STAU2: variants seen among roughly 807,000 people sequenced by gnomAD.
The protein encoded by STAU2 is staufen double-stranded RNA binding protein 2, also known as double-stranded RNA-binding protein Staufen homolog 2.
Under a neutral mutation model 65.9 loss-of-function variants are expected in STAU2, and 20 were observed. The ratio of observed to expected loss-of-function variants is 0.30; its 90% CI spans 0.21 to 0.44. The LOEUF is 0.44. Ranked by LOEUF, STAU2 falls within the 20% of genes least tolerant of loss-of-function variation. The pLI is 1.00. For synonymous variants in STAU2, 232 were observed against 233.9 expected (o/e 0.99, Z 0.07); for missense variants, 558 against 683.9 (o/e 0.82, Z 2.05).
intron 6 of STAU2, among the ~76,000 whole-genome samples, chr8:73,631,155 A>G (rs2130026327): frequency 6.6e-6 from 1 of 152,250 alleles, no homozygotes; most frequent in Middle Eastern, 3.4e-3. Context: ...CAGGAGTTTG[A>G]GACCAGCCTT....
At chr8:73,522,797 T>C (rs565852948) in intron 13 of STAU2, among the ~76,000 whole-genome samples, 9 of 152,288 alleles carry the variant, frequency 5.9e-5, no homozygotes, top group African/African-American at 2.2e-4. Context: ...GCCCACTGTC[T>C]GGATGAGAAT....
intron 13 of STAU2, chr8:73,527,874 G>A (rs1000716654): frequency 2.4e-5 from 6 of 253,982 alleles, no homozygotes; most frequent in Admixed American, 8.8e-5. Flanking sequence ...AGGTCCTTTT[G>A]CAAAGGGTCT....
chr8:73,475,520 T>G (rs1820273406), intron 13 of STAU2, among the ~76,000 whole-genome samples: 1 of 152,222 alleles, frequency 6.6e-6, no homozygotes, highest in South Asian at 2.1e-4. Context: ...GATGCTATTT[T>G]AGTAATATGG....
chr8:73,559,717 T>C (rs184272294), intron 12 of STAU2, among the ~76,000 whole-genome samples: 9 of 152,232 alleles, frequency 5.9e-5, no homozygotes, highest in Admixed American at 3.3e-4. Flanking sequence ...GCTACAGAAA[T>C]CCCCCTTCCT....
chr8:73,521,108 T>C (rs372308191), intron 13 of STAU2, among the ~76,000 whole-genome samples: 4 of 152,336 alleles, frequency 2.6e-5, no homozygotes, highest in East Asian at 1.9e-4. Context: ...GTGGGAAGGC[T>C]TTCCCTTTCT....
chr8:73,680,220 G>A (rs182388442), intron 5 of STAU2, among the ~76,000 whole-genome samples: 1,813 of 152,042 alleles, frequency 0.012, 136 homozygotes, highest in Admixed American at 0.11. Context: ...AGAAGCCACT[G>A]CAGGCATGGA....
Position 73,546,175 on chromosome 8 carries a change from C to G in STAU2, c.1530+5837G>C, listed in dbSNP as rs1379604756. Among the ~76,000 whole-genome samples, 10 of 130,454 alleles carry G rather than the reference C, an allele frequency of 7.7e-5. No individual in the cohort carries two copies. The East Asian group carries it at 2.2e-3, about 29-fold the overall frequency. The allele number at this position is 130,454 out of a possible 152,430, so 85.6% of individuals were successfully genotyped here. A position where few individuals can be genotyped will look rare whatever the true frequency, so the allele number is the denominator to read the frequency against. Reference sequence around the variant, plus strand: ...AGAGACAGAGTTTCACCATGTTGGCCAGGTTGGTCTCAAACTCCTGACCTC... The same window carrying G: ...AGAGACAGAGTTTCACCATGTTGGCGAGGTTGGTCTCAAACTCCTGACCTC... On this transcript the variant is annotated intron_variant, in intron 13 of 14. Transcript: ENST00000524300.
At chr8:73,474,416 C>T (rs1025029571) in intron 13 of STAU2, among the ~76,000 whole-genome samples, 6 of 152,156 alleles carry the variant, frequency 3.9e-5, no homozygotes, top group South Asian at 2.1e-4. Flanking sequence ...AAGGAAAGAG[C>T]GCTAGAAAAA....
At chr8:73,617,017 C>A (rs1449298140) in intron 7 of STAU2, among the ~76,000 whole-genome samples, 1 of 152,118 alleles carries the variant, frequency 6.6e-6, no homozygotes, top group East Asian at 1.9e-4. Flanking sequence ...AATCTATATT[C>A]AATAAACATA....
In STAU2 at chr8:73,540,060, AAAG is replaced by A. The variant is rs141339280; in HGVS notation, c.1530+11949_1530+11951del. 3.2e-3 allele frequency among the ~76,000 whole-genome samples: 488 copies of A among 152,272 alleles called. 1 individual carries two copies. Among genetic ancestry groups the A allele is most frequent in the African/African-American group, 0.011 (466 of 41,556 alleles). On this transcript the variant is annotated intron_variant, in intron 13 of 14. Transcript: ENST00000524300. Reference sequence around the variant, plus strand: ...TAATAAATATACAGATTAAAGGAAAAAAGAGATATACAGTGAGATGAACAGTGT... The same window carrying A: ...TAATAAATATACAGATTAAAGGAAAAAGATATACAGTGAGATGAACAGTGT...
At chr8:73,726,740 G>C (rs1311023330) in intron 3 of STAU2, among the ~76,000 whole-genome samples, 1 of 151,982 alleles carries the variant, frequency 6.6e-6, no homozygotes, top group Non-Finnish European at 1.5e-5. Flanking sequence ...TTCCCCTCGT[G>C]TCTTGAACAT....
intron 4 of STAU2, among the ~76,000 whole-genome samples, chr8:73,689,372 C>T (rs1819167230): frequency 6.6e-6 from 1 of 152,204 alleles, no homozygotes; most frequent in Non-Finnish European, 1.5e-5. Flanking sequence ...CTCTCTCTGC[C>T]AACTGGATCC....
intron 13 of STAU2, among the ~76,000 whole-genome samples, chr8:73,494,441 C>A (rs559118727): frequency 2.0e-5 from 3 of 151,850 alleles, no homozygotes; most frequent in African/African-American, 7.2e-5. Context: ...AAGTGACTTA[C>A]AAACAGCATG....
At chr8:73,708,044 T>G (rs899381565) in intron 4 of STAU2, among the ~76,000 whole-genome samples, 4 of 151,882 alleles carry the variant, frequency 2.6e-5, no homozygotes, top group Non-Finnish European at 5.9e-5. Context: ...AGAAAGAGAG[T>G]CAGGACATAT....
At chr8:73,527,407 T>A (rs896433422) in intron 13 of STAU2, 2 of 276,062 alleles carry the variant, frequency 7.2e-6, no homozygotes, top group Admixed American at 4.4e-5. Flanking sequence ...CATATATAAC[T>A]ATTAAAGATA....
intron 13 of STAU2, among the ~76,000 whole-genome samples, chr8:73,480,605 G>A (rs1437039961): frequency 6.6e-6 from 1 of 152,058 alleles, no homozygotes; most frequent in Non-Finnish European, 1.5e-5. Context: ...ATATAGCCAC[G>A]GGATGGTTAT....
chr8:73,619,508 T>G (rs1489018984), intron 6 of STAU2, among the ~76,000 whole-genome samples: 1 of 152,214 alleles, frequency 6.6e-6, no homozygotes, highest in African/African-American at 2.4e-5. Context: ...ATGTCCAACC[T>G]GAGATAAACT....
At chr8:73,426,115 C>T (rs1816805191) in intron 13 of STAU2, among the ~76,000 whole-genome samples, 1 of 152,174 alleles carries the variant, frequency 6.6e-6, no homozygotes, top group Non-Finnish European at 1.5e-5. Flanking sequence ...AGTATCCTCT[C>T]CCCATGTCTA....
At chr8:73,590,930 G>C (rs961200863) in intron 11 of STAU2, 3 of 151,742 alleles carry the variant, frequency 2.0e-5, no homozygotes, top group Non-Finnish European at 4.4e-5. Flanking sequence ...AACCTGCAAA[G>C]AAAAAAAATG....
Sources: gnomAD v4.1 joint callset for allele counts (sites outside exome capture counted in the v4.1 genomes callset) on GRCh38, gnomAD v4.1.1 for gene constraint, MANE v1.5 for transcripts, NCBI Gene and HGNC (gene_info 2026-07-23, HGNC 2026-07-21) for gene names.